The following IL10RB variants were observed in gnomAD, a reference collection of about 807,000 sequenced individuals.
IL10RB encodes the protein interleukin 10 receptor subunit beta.
Under a neutral mutation model 38.7 loss-of-function variants are expected in IL10RB, and 30 were observed. That is an observed-to-expected ratio of 0.78 (90% confidence interval 0.58 to 1.05). IL10RB has a LOEUF of 1.05. IL10RB is among the 50% of genes least tolerant of loss of function. The probability of loss-of-function intolerance (pLI) is 0.00; values close to 1 mark genes in which losing one functional copy is unlikely to be tolerated. For missense variants in IL10RB, 328 were observed against 397.1 expected, an observed-to-expected ratio of 0.83 and a Z score of 1.48; for synonymous variants, 142 against 145.9, an observed-to-expected ratio of 0.97 and a Z score of 0.19.
At chr21:33,293,474 C>T (rs1397986378) in intron 6 of IL10RB, among the ~76,000 whole-genome samples, 2 of 152,190 alleles carry the variant, frequency 1.3e-5, no homozygotes, top group African/African-American at 4.8e-5. Flanking sequence ...CCCTCGATGG[C>T]AAGTGGGGCA....
intron 1 of IL10RB, among the ~76,000 whole-genome samples, chr21:33,303,183 C>T (rs1018075180): frequency 1.1e-4 from 16 of 152,058 alleles, no homozygotes; most frequent in African/African-American, 3.6e-4. Flanking sequence ...CTCTCCCTCC[C>T]GCTAGTTCCC....
At position 33,296,573 on chromosome 21, in the gene IL10RB, C is replaced by G; in HGVS notation, c.*216C>G. 1.5e-6 allele frequency: 1 copy of G among 679,960 alleles called. No individual in the cohort carries two copies. Among genetic ancestry groups the G allele is most frequent in the Non-Finnish European group, 2.7e-6 (1 of 371,588 alleles). The allele number at this position is 679,960 out of a possible 1,614,324, so 42.1% of individuals were successfully genotyped here. ...TTGGGAACTCACTGCCTTATAAAGGCTTTCATGATGTTTTCAGAAGTTGGC... is the reference window on the plus strand; with the variant it reads ...TTGGGAACTCACTGCCTTATAAAGGGTTTCATGATGTTTTCAGAAGTTGGC... On this transcript the variant is annotated 3_prime_UTR_variant, in exon 7 of 7. Coordinates refer to ENST00000290200, the MANE Select transcript of IL10RB (RefSeq NM_000628.5).
At chr21:33,283,002 A>G in intron 4 of IL10RB, 92 bp from the exon 5 acceptor site, 1 of 1,053,908 alleles carries the variant, frequency 9.5e-7, no homozygotes, top group Non-Finnish European at 1.5e-6. Context: ...TTTTAAGTCT[A>G]AAACGGCTAT....
intron 2 of IL10RB, among the ~76,000 whole-genome samples, chr21:33,275,442 C>T (rs1351418439): frequency 3.3e-5 from 5 of 152,150 alleles, no homozygotes; most frequent in African/African-American, 1.2e-4. Flanking sequence ...AGGCGTGAGC[C>T]ACCACACCCA....
chr21:33,307,122 G>C (rs1457773835), intron 1 of IL10RB, among the ~76,000 whole-genome samples: 1 of 152,040 alleles, frequency 6.6e-6, no homozygotes, highest in African/African-American at 2.4e-5. Flanking sequence ...CATTCTGCAG[G>C]GGCTCAGCCT....
At chr21:33,278,027 C>CA (rs140202288) in intron 3 of IL10RB, among the ~76,000 whole-genome samples, 7,689 of 63,250 alleles carry the variant, frequency 0.12, 401 homozygotes, top group African/African-American at 0.26. Context: ...CCTGTCTCTA[C>CA]AAAAAACAAA....
intron 6 of IL10RB, among the ~76,000 whole-genome samples, chr21:33,289,462 C>G (rs1450311677): frequency 6.6e-6 from 1 of 152,212 alleles, no homozygotes; most frequent in African/African-American, 2.4e-5. Context: ...GCCCGCTCTC[C>G]TCTCCCGGGA....
At chr21:33,303,502 G>A (rs1210948203) in intron 1 of IL10RB, among the ~76,000 whole-genome samples, 1 of 152,072 alleles carries the variant, frequency 6.6e-6, no homozygotes, top group South Asian at 2.1e-4. Context: ...CTATAGTTGT[G>A]TGCCACCATG....
downstream of IL10RB, among the ~76,000 whole-genome samples, chr21:33,298,605 C>T (rs2035999295): frequency 6.6e-6 from 1 of 152,000 alleles, no homozygotes; most frequent in African/African-American, 2.4e-5. Context: ...CAGAGCGAGA[C>T]TCCATCTCTA....
intron 1 of IL10RB, among the ~76,000 whole-genome samples, chr21:33,267,163 T>C (rs879433930): frequency 3.3e-5 from 5 of 152,096 alleles, no homozygotes; most frequent in Non-Finnish European, 7.3e-5. Flanking sequence ...CCTTCCTTTC[T>C]CATGAACTCT....
rs1988940736 is a variant in IL10RB at position 33,266,404 on chromosome 21, C to T, written c.-62C>T. ...TCCCGGAAGCCGCCGCGGACAAGCTCTCCCGGGCGCGGGCGGGGGTCGTGT... is the reference window on the plus strand; with the variant it reads ...TCCCGGAAGCCGCCGCGGACAAGCTTTCCCGGGCGCGGGCGGGGGTCGTGT... On this transcript the variant is annotated 5_prime_UTR_variant, in exon 1 of 7. Transcript: ENST00000290200. 6 of 1,521,506 alleles carry T rather than the reference C, an allele frequency of 3.9e-6. No individual in the cohort carries two copies. Among genetic ancestry groups the T allele is most frequent in the South Asian group, 2.4e-5 (2 of 83,092 alleles). 94.3% of individuals were successfully genotyped at this position (1,521,506 alleles called of 1,614,324 possible).
chr21:33,300,814 T>C (rs1319488100), downstream of IL10RB, among the ~76,000 whole-genome samples: 6 of 152,188 alleles, frequency 3.9e-5, no homozygotes. Context: ...TCAGAGGTGT[T>C]TGAACCAGAG....
chr21:33,280,048 A>G lies in IL10RB; in HGVS notation c.498+130A>G, dbSNP rs536807472. The G allele has an allele frequency of 6.0e-5, 49 of 822,364 alleles. No homozygotes were observed. In the African/African-American group the frequency reaches 6.2e-4, roughly 10 times the overall value. 50.9% of individuals were successfully genotyped at this position (822,364 alleles called of 1,614,324 possible). Reference sequence around the variant, plus strand: ...CTTCCCAGACTGAGGGGTTACTGGTATCTCTGGCTCAAGCTTCCCAGACTC... The same window carrying G: ...CTTCCCAGACTGAGGGGTTACTGGTGTCTCTGGCTCAAGCTTCCCAGACTC... On this transcript the variant is annotated intron_variant, in intron 4 of 6. Coordinates refer to ENST00000290200, the MANE Select transcript of IL10RB (RefSeq NM_000628.5).
At chr21:33,266,541 G>A (rs777306309) in intron 1 of IL10RB, 27 bp downstream of exon 1, 31 of 1,539,930 alleles carry the variant, frequency 2.0e-5, no homozygotes, top group East Asian at 9.8e-5. Flanking sequence ...GAGGGGGCGC[G>A]CTTGGGAACC....
intron 5 of IL10RB, among the ~76,000 whole-genome samples, chr21:33,283,662 G>A (rs1488900788): frequency 6.6e-6 from 1 of 152,218 alleles, no homozygotes; most frequent in Non-Finnish European, 1.5e-5. Context: ...GGAAGCAAGT[G>A]TCAGGAAATC....
Position 33,266,432 on chromosome 21 carries a change from T to C in IL10RB, c.-34T>C. On this transcript the variant is annotated 5_prime_UTR_variant, in exon 1 of 7. Coordinates refer to ENST00000290200, the MANE Select transcript of IL10RB (RefSeq NM_000628.5). ...CCGGGCGCGGGCGGGGGTCGTGTGC[T>C]TGGAGGAAGCCGCGGAACCCCCAGC... 6.5e-7 allele frequency: 1 copy of C among 1,539,324 alleles called. No individual in the cohort carries two copies. Among genetic ancestry groups the C allele is most frequent in the Non-Finnish European group, 8.7e-7 (1 of 1,146,000 alleles).
intron 6 of IL10RB, among the ~76,000 whole-genome samples, chr21:33,293,464 C>A (rs1989528508): frequency 6.6e-6 from 1 of 152,186 alleles, no homozygotes; most frequent in Non-Finnish European, 1.5e-5. Flanking sequence ...ACTGCATCTA[C>A]CCTCGATGGC....
chr21:33,285,025 G>A (rs900908934), intron 5 of IL10RB, among the ~76,000 whole-genome samples: 1 of 151,992 alleles, frequency 6.6e-6, no homozygotes, highest in African/African-American at 2.4e-5. Context: ...TGAATAGCTG[G>A]GATTACAGTG....
intron 2 of IL10RB, among the ~76,000 whole-genome samples, chr21:33,272,364 A>T (rs917949675): frequency 1.1e-4 from 17 of 152,134 alleles, no homozygotes; most frequent in Non-Finnish European, 2.4e-4. Context: ...GAGCAACCAA[A>T]TTGGTTTTGG....
Sources: gnomAD v4.1 joint callset for allele counts (sites outside exome capture counted in the v4.1 genomes callset) on GRCh38, gnomAD v4.1.1 for gene constraint, MANE v1.5 for transcripts, NCBI Gene and HGNC (gene_info 2026-07-23, HGNC 2026-07-21) for gene names.